ACTR3C: variants seen among roughly 807,000 people sequenced by gnomAD.
ACTR3C encodes actin related protein 3C.
A neutral mutation model predicts 26.3 loss-of-function variants in ACTR3C; 18 were observed. The ratio of observed to expected loss-of-function variants is 0.68; its 90% CI spans 0.47 to 1.01. The LOEUF (loss-of-function observed/expected upper bound fraction) is 1.01. Ranked by LOEUF, ACTR3C falls within the 50% of genes least tolerant of loss-of-function variation. The pLI is 0.00. For synonymous variants in ACTR3C, 55 were observed against 94.5 expected (o/e 0.58, Z 2.42); for missense variants, 184 against 250.7 (o/e 0.73, Z 1.80).
chr7:149,910,591 C>T, the ACTR3C span, among the ~76,000 whole-genome samples: 3 of 152,050 alleles, frequency 2.0e-5, no homozygotes, highest in East Asian at 1.9e-4. Flanking sequence ...TTAACAGTAA[C>T]GTCTGGACAA....
the ACTR3C span, among the ~76,000 whole-genome samples, chr7:149,998,210 G>A: frequency 6.6e-6 from 1 of 151,318 alleles, no homozygotes; most frequent in Non-Finnish European, 1.5e-5. Context: ...GCAAAAAGCT[G>A]AGCAAGTCCC....
chr7:150,039,425 C>G, the ACTR3C span, among the ~76,000 whole-genome samples: 2 of 16,114 alleles, frequency 1.2e-4, no homozygotes, highest in African/African-American at 2.8e-4. Context: ...CAGTCCCTGC[C>G]TCGCGGGGGT....
the ACTR3C span, among the ~76,000 whole-genome samples, chr7:149,894,012 A>G: frequency 6.6e-6 from 1 of 152,218 alleles, no homozygotes. Context: ...TGGAGGGATC[A>G]CACTACCTGA....
the ACTR3C span, among the ~76,000 whole-genome samples, chr7:150,069,555 G>C: frequency 2.0e-5 from 3 of 152,178 alleles, no homozygotes; most frequent in Admixed American, 2.0e-4. Context: ...CACCCTGGGG[G>C]ATAATGGTCA....
chr7:150,176,159 A>G, the ACTR3C span, among the ~76,000 whole-genome samples: 5 of 151,070 alleles, frequency 3.3e-5, no homozygotes, highest in South Asian at 1.0e-3. Context: ...TTTTATAACA[A>G]ATTAACTTGG....
the ACTR3C span, among the ~76,000 whole-genome samples, chr7:150,171,310 G>T: frequency 1.3e-5 from 2 of 149,732 alleles, no homozygotes; most frequent in Non-Finnish European, 2.9e-5. Context: ...ATTTATAACA[G>T]CAAGATCGCT....
At chr7:149,929,425 C>CA in the ACTR3C span, among the ~76,000 whole-genome samples, 12,865 of 49,118 alleles carry the variant, frequency 0.26, 2,593 homozygotes, top group South Asian at 0.41. Context: ...AAGATTCTGT[C>CA]AAAAAAAAAA....
the ACTR3C span, among the ~76,000 whole-genome samples, chr7:149,949,541 A>C: frequency 2.0e-5 from 3 of 148,092 alleles, no homozygotes; most frequent in East Asian, 5.8e-4. Context: ...ATGTTCACGC[A>C]TGTATTCATC....
chr7:150,248,363 TA>T (rs1007306661), intron 7 of ACTR3C: 156 of 144,086 alleles, frequency 1.1e-3, no homozygotes, highest in Non-Finnish European at 1.2e-3. Flanking sequence ...AGCTGGCTAT[TA>T]AAAAAAAAAA....
chr7:150,127,565 G>A, the ACTR3C span, among the ~76,000 whole-genome samples: 7 of 151,886 alleles, frequency 4.6e-5, no homozygotes, highest in African/African-American at 1.5e-4. Flanking sequence ...GTTTATTTCC[G>A]AGAGGAAGAA....
intron 7 of ACTR3C, chr7:150,248,262 C>G (rs60213440): frequency 6.6e-6 from 1 of 152,102 alleles, no homozygotes; most frequent in Non-Finnish European, 1.5e-5. Context: ...TAGAGTGGTC[C>G]GCGTTCTGCT....
chr7:150,035,760 T>C, the ACTR3C span, among the ~76,000 whole-genome samples: 8 of 131,614 alleles, frequency 6.1e-5, 1 homozygote. Context: ...GGGGGGTGCG[T>C]CCCCCCTCTG....
chr7:150,068,360 G>A, the ACTR3C span, among the ~76,000 whole-genome samples: 8 of 152,198 alleles, frequency 5.3e-5, no homozygotes, highest in Non-Finnish European at 5.9e-5. Flanking sequence ...AGCAACACTC[G>A]GTGCTTCAGG....
chr7:150,280,118 AG>A (rs1188680585), intron 6 of ACTR3C, among the ~76,000 whole-genome samples: 3 of 152,218 alleles, frequency 2.0e-5, no homozygotes, highest in African/African-American at 7.2e-5. Flanking sequence ...TTCTCAGGTT[AG>A]AAGCACATTA....
chr7:150,038,486 C>G, the ACTR3C span, among the ~76,000 whole-genome samples: 1 of 143,828 alleles, frequency 7.0e-6, no homozygotes, highest in Non-Finnish European at 1.5e-5. Context: ...TTTGTGACCT[C>G]ATACAAAGGC....
At chr7:149,979,447 T>A in the ACTR3C span, among the ~76,000 whole-genome samples, 1 of 152,180 alleles carries the variant, frequency 6.6e-6, no homozygotes, top group Non-Finnish European at 1.5e-5. Context: ...ACCAAGGTAC[T>A]GAGCACATCA....
chr7:149,930,793 T>C, the ACTR3C span, among the ~76,000 whole-genome samples: 1 of 152,208 alleles, frequency 6.6e-6, no homozygotes, highest in South Asian at 2.1e-4. Flanking sequence ...AATTTTTGTA[T>C]TGTTTTGTTT....
chr7:149,957,247 G>A, the ACTR3C span, among the ~76,000 whole-genome samples: 1,027 of 152,158 alleles, frequency 6.7e-3, 8 homozygotes, highest in African/African-American at 0.023. Flanking sequence ...TTCAGAAGGT[G>A]TGGTGCCCTC....
At chr7:150,127,007 A>G in the ACTR3C span, among the ~76,000 whole-genome samples, 2 of 152,240 alleles carry the variant, frequency 1.3e-5, no homozygotes, top group African/African-American at 4.8e-5. Context: ...TCTTTCCTGA[A>G]TACATTACAC....
Sources: allele counts gnomAD v4.1 joint callset (sites outside exome capture counted in the v4.1 genomes callset), GRCh38; gene constraint gnomAD v4.1.1; transcripts MANE v1.5; gene names NCBI Gene and HGNC (gene_info 2026-07-23, HGNC 2026-07-21).